Variants in PDE7B observed in about 807,000 individuals in gnomAD.
The protein encoded by PDE7B is phosphodiesterase 7B.
A neutral mutation model predicts 56.2 loss-of-function variants in PDE7B; 29 were observed. That is an observed-to-expected ratio of 0.52 (90% confidence interval 0.38 to 0.70). PDE7B has a LOEUF of 0.70. Ranked by LOEUF, PDE7B falls within the 30% of genes least tolerant of loss-of-function variation. The probability of loss-of-function intolerance (pLI) is 0.00; values close to 1 mark genes in which losing one functional copy is unlikely to be tolerated. For missense variants in PDE7B, 490 were observed against 565.0 expected (o/e 0.87, Z 1.35); for synonymous variants, 197 against 196.9 (o/e 1.00, Z 0.00).
chr6:135,938,710 C>T (rs887820778), intron 1 of PDE7B, among the ~76,000 whole-genome samples: 6 of 152,128 alleles, frequency 3.9e-5, no homozygotes, highest in African/African-American at 9.7e-5. Context: ...GAGAGTGCAA[C>T]GTAAGACGCA....
chr6:135,938,107 G>C (rs1295310355), intron 1 of PDE7B, among the ~76,000 whole-genome samples: 2 of 152,182 alleles, frequency 1.3e-5, no homozygotes, highest in Non-Finnish European at 2.9e-5. Context: ...TTGAGGAATA[G>C]GTTTGGGATT....
At chr6:136,100,563 C>A (rs533018737) in intron 2 of PDE7B, among the ~76,000 whole-genome samples, 6 of 152,070 alleles carry the variant, frequency 3.9e-5, no homozygotes, top group African/African-American at 1.4e-4. Context: ...TGATTTAGTT[C>A]TCTGTTTGTC....
intron 2 of PDE7B, among the ~76,000 whole-genome samples, chr6:135,961,789 C>T (rs913838083): frequency 2.0e-5 from 3 of 151,978 alleles, no homozygotes; most frequent in Admixed American, 6.6e-5. Flanking sequence ...TTTTCTTTCT[C>T]AACAAAATAT....
intron 2 of PDE7B, among the ~76,000 whole-genome samples, chr6:135,964,247 G>A (rs1774955417): frequency 6.6e-6 from 1 of 151,962 alleles, no homozygotes; most frequent in African/African-American, 2.4e-5. Flanking sequence ...GGGACTACAG[G>A]TGCACACCAC....
At chr6:136,004,823 T>G (rs374453472) in intron 2 of PDE7B, among the ~76,000 whole-genome samples, 5 of 152,100 alleles carry the variant, frequency 3.3e-5, no homozygotes, top group Non-Finnish European at 5.9e-5. Context: ...AAGCTACCAA[T>G]GACTTTCTTC....
intron 1 of PDE7B, among the ~76,000 whole-genome samples, chr6:135,867,451 A>G (rs1190488787): frequency 6.6e-6 from 1 of 152,138 alleles, no homozygotes; most frequent in Non-Finnish European, 1.5e-5. Flanking sequence ...GGTCAGGGGT[A>G]CATGTGCAGG....
At chr6:136,146,667 G>A (rs1355874551) in intron 3 of PDE7B, among the ~76,000 whole-genome samples, 1 of 152,082 alleles carries the variant, frequency 6.6e-6, no homozygotes, top group African/African-American at 2.4e-5. Context: ...TAACAGTGTG[G>A]GATGAGAACT....
At chr6:135,938,504 A>T (rs1221087825) in intron 1 of PDE7B, among the ~76,000 whole-genome samples, 1 of 152,246 alleles carries the variant, frequency 6.6e-6, no homozygotes, top group Admixed American at 6.5e-5. Context: ...GTCAGTTCCT[A>T]TAACTGGGTG....
At chr6:136,164,647 G>A (rs1778765208) in intron 8 of PDE7B, among the ~76,000 whole-genome samples, 1 of 152,164 alleles carries the variant, frequency 6.6e-6, no homozygotes. Flanking sequence ...TTAGTACTTA[G>A]AGCCTGATGT....
chr6:136,053,021 G>A (rs1776659797), intron 2 of PDE7B, among the ~76,000 whole-genome samples: 1 of 152,092 alleles, frequency 6.6e-6, no homozygotes, highest in Admixed American at 6.5e-5. Context: ...ACTTGAGACT[G>A]GGTAATTTAT....
intron 2 of PDE7B, among the ~76,000 whole-genome samples, chr6:136,065,864 C>A (rs1776925701): frequency 6.6e-6 from 1 of 152,118 alleles, no homozygotes; most frequent in Non-Finnish European, 1.5e-5. Flanking sequence ...AGATTTTAAC[C>A]ACTAAGATAT....
At chr6:135,971,613 T>C (rs1296456249) in intron 2 of PDE7B, among the ~76,000 whole-genome samples, 10 of 152,220 alleles carry the variant, frequency 6.6e-5, no homozygotes, top group Non-Finnish European at 1.0e-4. Context: ...GTGACATTAC[T>C]GAATTGGAGT....
At chr6:136,031,081 G>A (rs1776239638) in intron 2 of PDE7B, among the ~76,000 whole-genome samples, 1 of 152,238 alleles carries the variant, frequency 6.6e-6, no homozygotes, top group Non-Finnish European at 1.5e-5. Context: ...TCTTTCCATT[G>A]AGAGTATTTG....
intron 2 of PDE7B, among the ~76,000 whole-genome samples, chr6:136,052,790 A>G (rs1182315019): frequency 6.6e-6 from 1 of 152,188 alleles, no homozygotes. Context: ...CACTTCAATT[A>G]TATACACATT....
intron 1 of PDE7B, among the ~76,000 whole-genome samples, chr6:135,889,604 C>A (rs148768985): frequency 0.022 from 3,229 of 150,184 alleles, 121 homozygotes; most frequent in African/African-American, 0.074. Flanking sequence ...CCAGGCCCAG[C>A]TAATTTTTGT....
intron 2 of PDE7B, among the ~76,000 whole-genome samples, chr6:136,033,670 C>T (rs1332094291): frequency 1.3e-5 from 2 of 152,146 alleles, no homozygotes; most frequent in African/African-American, 2.4e-5. Context: ...CTTGTAGGGT[C>T]GGTCTGTAGA....
intron 3 of PDE7B, among the ~76,000 whole-genome samples, chr6:136,143,338 A>AT (rs1778359797): frequency 6.6e-6 from 1 of 151,900 alleles, no homozygotes; most frequent in Non-Finnish European, 1.5e-5. Context: ...CAACACAGTG[A>AT]TACCCCCATG....
At chr6:135,892,554 A>G (rs1251370019) in intron 1 of PDE7B, among the ~76,000 whole-genome samples, 1 of 152,186 alleles carries the variant, frequency 6.6e-6, no homozygotes, top group African/African-American at 2.4e-5. Flanking sequence ...TCTAGTCATT[A>G]AATAATTACT....
intron 2 of PDE7B, chr6:136,037,749 C>T (rs1776348431): frequency 1.0e-6 from 1 of 985,484 alleles, no homozygotes; most frequent in African/African-American, 1.7e-5. Context: ...GGAAGCCCCG[C>T]TTCTTTGCCT....
Sources: gnomAD v4.1 joint callset for allele counts (sites outside exome capture counted in the v4.1 genomes callset) on GRCh38, gnomAD v4.1.1 for gene constraint, MANE v1.5 for transcripts, NCBI Gene and HGNC (gene_info 2026-07-23, HGNC 2026-07-21) for gene names.